Variants in ATP10B observed in about 807,000 individuals in gnomAD.
ATP10B encodes phospholipid-transporting ATPase VB.
A neutral mutation model predicts 141.2 loss-of-function variants in ATP10B; 122 were observed. The observed-to-expected ratio is 0.86, with a 90% CI of 0.75 to 1.00. The LOEUF (loss-of-function observed/expected upper bound fraction) is 1.00. Among genes scored for constraint, ATP10B ranks in the 50% least tolerant of loss-of-function variants. The pLI, the probability that ATP10B is intolerant of heterozygous loss-of-function variation, is 0.00. For missense variants in ATP10B, 1,876 were observed against 1,825.3 expected (o/e 1.03, Z -0.51); for synonymous variants, 685 against 692.0 (o/e 0.99, Z 0.16).
At chr5:160,917,193 C>T in the ATP10B span, among the ~76,000 whole-genome samples, 9 of 151,142 alleles carry the variant, frequency 6.0e-5, no homozygotes, top group African/African-American at 2.2e-4. Context: ...GCACAGAGAA[C>T]AGGTAGCAGG....
At chr5:160,731,023 C>T (rs970843914) in intron 2 of ATP10B, among the ~76,000 whole-genome samples, 1 of 152,140 alleles carries the variant, frequency 6.6e-6, no homozygotes, top group African/African-American at 2.4e-5. Flanking sequence ...ATAATGTCTT[C>T]CTACCCCCTT....
chr5:160,592,671 G>C (rs191819548), intron 22 of ATP10B, among the ~76,000 whole-genome samples: 136 of 152,342 alleles, frequency 8.9e-4, no homozygotes, highest in Non-Finnish European at 1.5e-3. Flanking sequence ...CAAAGAAAGG[G>C]GTGACAGATG....
chr5:160,827,076 C>T (rs12519597), intron 1 of ATP10B, among the ~76,000 whole-genome samples: 12 of 152,138 alleles, frequency 7.9e-5, no homozygotes, highest in Non-Finnish European at 1.2e-4. Context: ...TTGTGACCTA[C>T]ACCCTGTTCC....
intron 7 of ATP10B, among the ~76,000 whole-genome samples, chr5:160,660,100 G>A (rs909777759): frequency 7.9e-5 from 12 of 152,250 alleles, no homozygotes; most frequent in East Asian, 3.9e-4. Context: ...AAAAGATTAC[G>A]TATTTAATGT....
the ATP10B span, among the ~76,000 whole-genome samples, chr5:160,876,759 C>A: frequency 1.3e-5 from 2 of 151,342 alleles, no homozygotes; most frequent in African/African-American, 4.8e-5. Context: ...ACAAACACCT[C>A]TACGCAAATA....
intron 7 of ATP10B, among the ~76,000 whole-genome samples, chr5:160,666,874 C>T (rs1035829612): frequency 5.9e-5 from 9 of 152,128 alleles, no homozygotes; most frequent in Non-Finnish European, 1.0e-4. Context: ...TCTGTGTGAA[C>T]GCAAGGTAAC....
chr5:160,738,553 C>T (rs114941973), intron 2 of ATP10B, among the ~76,000 whole-genome samples: 254 of 152,088 alleles, frequency 1.7e-3, no homozygotes, highest in Admixed American at 4.7e-3. Context: ...ATACTGATAT[C>T]GCCAAGCACT....
intron 1 of ATP10B, among the ~76,000 whole-genome samples, chr5:160,797,292 G>A (rs1206229394): frequency 1.3e-5 from 2 of 152,090 alleles, no homozygotes; most frequent in Non-Finnish European, 2.9e-5. Context: ...CATGCACAAC[G>A]AATTACTCTC....
Position 160,565,826 on chromosome 5 carries a change from G to C in ATP10B, c.4013C>G (p.Pro1338Arg). ...GATTTCCAGGTTTCTTTTGTCTGGG[G>C]GGAGTTTGTCAATTTTCTGAGCTTT... ...ISKAQKIDKL[P>R]PDKRNLEIQS... The change falls in exon 26 of 26, where the codon CCC (proline) becomes CGC (arginine). Residue 1338 changes from proline to arginine, a missense_variant. Transcript: ENST00000327245. 6.2e-7 allele frequency: 1 copy of C among 1,614,040 alleles called. No homozygotes were observed. The highest frequency in any genetic ancestry group is 2.2e-5 in the East Asian group (1 of 44,874).
chr5:160,790,441 C>G (rs1295477473), intron 1 of ATP10B, among the ~76,000 whole-genome samples: 1 of 152,132 alleles, frequency 6.6e-6, no homozygotes, highest in Non-Finnish European at 1.5e-5. Context: ...TCCTAGAAGT[C>G]ACCAAATTCT....
chr5:160,925,753 C>T, the ATP10B span, among the ~76,000 whole-genome samples: 2 of 152,146 alleles, frequency 1.3e-5, no homozygotes, highest in Non-Finnish European at 2.9e-5. Flanking sequence ...TAAGTTGCAT[C>T]TTTTTTCTTC....
At chr5:160,593,793 C>T (rs1756490776) in intron 22 of ATP10B, among the ~76,000 whole-genome samples, 1 of 151,542 alleles carries the variant, frequency 6.6e-6, no homozygotes, top group South Asian at 2.1e-4. Context: ...ATGTGATCAA[C>T]TTGAAATGAA....
intron 1 of ATP10B, among the ~76,000 whole-genome samples, chr5:160,808,174 A>G (rs554075004): frequency 9.8e-5 from 15 of 152,340 alleles, no homozygotes; most frequent in African/African-American, 3.6e-4. Context: ...TATGGACTGA[A>G]TATTAGAATG....
chr5:160,588,766 T>A (rs920368674), intron 24 of ATP10B, among the ~76,000 whole-genome samples: 3 of 152,166 alleles, frequency 2.0e-5, no homozygotes, highest in Non-Finnish European at 4.4e-5. Flanking sequence ...GAGAGACACT[T>A]GGTATAGACA....
At chr5:160,741,507 G>T (rs1767477582) in intron 2 of ATP10B, among the ~76,000 whole-genome samples, 1 of 152,112 alleles carries the variant, frequency 6.6e-6, no homozygotes, top group African/African-American at 2.4e-5. Context: ...TCTAGGAATG[G>T]GCTACAAGAG....
At chr5:160,760,030 A>G (rs1216141466) in intron 2 of ATP10B, among the ~76,000 whole-genome samples, 3 of 152,112 alleles carry the variant, frequency 2.0e-5, no homozygotes, top group African/African-American at 7.2e-5. Context: ...ACATTTCACA[A>G]ATGTTCTTAG....
upstream of ATP10B, among the ~76,000 whole-genome samples, chr5:160,855,323 A>G (rs1753968428): frequency 6.6e-6 from 1 of 152,058 alleles, no homozygotes; most frequent in South Asian, 2.1e-4. Flanking sequence ...AGTTATTTCA[A>G]TAGGTGTATA....
At chr5:160,848,659 T>G (rs1343183281) in intron 1 of ATP10B, among the ~76,000 whole-genome samples, 1 of 152,178 alleles carries the variant, frequency 6.6e-6, no homozygotes, top group African/African-American at 2.4e-5. Flanking sequence ...AGCTGGACCC[T>G]GCTGCTACCT....
At chr5:160,649,851 C>T (rs929969922) in intron 7 of ATP10B, among the ~76,000 whole-genome samples, 3 of 151,710 alleles carry the variant, frequency 2.0e-5, no homozygotes, top group African/African-American at 7.3e-5. Context: ...GGCATGGTGG[C>T]TCACACCTGT....
Sources: gnomAD v4.1 joint callset for allele counts (sites outside exome capture counted in the v4.1 genomes callset) on GRCh38, gnomAD v4.1.1 for gene constraint, MANE v1.5 for transcripts, NCBI Gene and HGNC (gene_info 2026-07-23, HGNC 2026-07-21) for gene names.